The following MARCHF1 variants were observed in gnomAD, a reference collection of about 807,000 sequenced individuals.
MARCHF1 encodes membrane associated ring-CH-type finger 1, also known as E3 ubiquitin-protein ligase MARCHF1.
MARCHF1 carries 40 observed loss-of-function variants against 54.2 expected under a neutral mutation model. That is an observed-to-expected ratio of 0.74 (90% CI 0.57 to 0.96). MARCHF1 has a LOEUF of 0.96. Among genes scored for constraint, MARCHF1 ranks in the 40% least tolerant of loss-of-function variants. The pLI, the probability that MARCHF1 is intolerant of heterozygous loss-of-function variation, is 0.00. For missense variants in MARCHF1, 586 were observed against 656.5 expected (o/e 0.89, Z 1.17); for synonymous variants, 236 against 236.3 (o/e 1.00, Z 0.01).
At chr4:163,689,069 A>C (rs28757839) in intron 5 of MARCHF1, among the ~76,000 whole-genome samples, 3,667 of 152,262 alleles carry the variant, frequency 0.024, 139 homozygotes, top group African/African-American at 0.083. Context: ...TATGAAATGC[A>C]AATACTGACC....
chr4:164,140,747 T>C (rs1243033423), intron 1 of MARCHF1, among the ~76,000 whole-genome samples: 2 of 135,408 alleles, frequency 1.5e-5, no homozygotes, highest in African/African-American at 3.0e-5. Context: ...TTTGGTAACA[T>C]ACACACACAC....
At chr4:164,222,461 A>C (rs1732142219) in intron 1 of MARCHF1, among the ~76,000 whole-genome samples, 1 of 151,898 alleles carries the variant, frequency 6.6e-6, no homozygotes, top group South Asian at 2.1e-4. Flanking sequence ...TAATTTTGTA[A>C]AGGGAAAAAT....
chr4:164,354,684 T>C (rs1730465812), intron 1 of MARCHF1, among the ~76,000 whole-genome samples: 1 of 148,044 alleles, frequency 6.8e-6, no homozygotes, highest in Non-Finnish European at 1.5e-5. Flanking sequence ...ACTGGAAGCA[T>C]TCCCTTTGAA....
At chr4:163,805,703 G>T (rs1748207257) in intron 4 of MARCHF1, among the ~76,000 whole-genome samples, 1 of 152,096 alleles carries the variant, frequency 6.6e-6, no homozygotes, top group Non-Finnish European at 1.5e-5. Context: ...GTACCATATT[G>T]CCTCTTTAAA....
At chr4:163,956,446 T>C (rs982425029) in intron 3 of MARCHF1, among the ~76,000 whole-genome samples, 4 of 152,146 alleles carry the variant, frequency 2.6e-5, no homozygotes, top group Non-Finnish European at 2.9e-5. Flanking sequence ...GTTGTCCGAA[T>C]ATCACAATTT....
intron 5 of MARCHF1, among the ~76,000 whole-genome samples, chr4:163,681,778 C>T (rs1744112918): frequency 6.6e-6 from 1 of 152,138 alleles, no homozygotes; most frequent in African/African-American, 2.4e-5. Context: ...GTCTCAGGTA[C>T]TTCTTCATAG....
intron 1 of MARCHF1, among the ~76,000 whole-genome samples, chr4:164,164,783 A>G (rs749467360): frequency 3.3e-5 from 5 of 152,184 alleles, no homozygotes; most frequent in Non-Finnish European, 7.4e-5. Context: ...ACAACTCCAC[A>G]TACATACATA....
At chr4:163,888,537 A>G (rs1273945260) in intron 3 of MARCHF1, among the ~76,000 whole-genome samples, 1 of 152,164 alleles carries the variant, frequency 6.6e-6, no homozygotes, top group Non-Finnish European at 1.5e-5. Context: ...TTTTGTCTTT[A>G]GCAAAAGAAA....
Position 163,700,864 on chromosome 4 carries a change from C to A in MARCHF1, c.112-1G>T, listed in dbSNP as rs1228370964. The A allele has an allele frequency of 3.9e-6, 6 of 1,533,766 alleles. No individual in the cohort carries two copies. The South Asian group carries it at 4.8e-5, about 12-fold the overall frequency. ...CAGATCGCCCTGGGGATTTTTCATT[C>A]TGAAAAATAAAATGGGAAACATTAA... On this transcript the variant is annotated splice_acceptor_variant, in intron 4 of 9. Transcript: ENST00000514618. LOFTEE classifies it high-confidence loss of function.
intron 2 of MARCHF1, among the ~76,000 whole-genome samples, chr4:164,023,430 C>T (rs942415017): frequency 6.6e-6 from 1 of 152,088 alleles, no homozygotes; most frequent in African/African-American, 2.4e-5. Context: ...CTCTTAAGCA[C>T]CATCTATTGG....
At chr4:163,726,517 C>T (rs1213028960) in intron 4 of MARCHF1, among the ~76,000 whole-genome samples, 2 of 152,098 alleles carry the variant, frequency 1.3e-5, no homozygotes, top group African/African-American at 2.4e-5. Context: ...TACTGAAAGG[C>T]ATCTTGTTGT....
intron 3 of MARCHF1, among the ~76,000 whole-genome samples, chr4:163,885,305 T>C (rs1398003174): frequency 1.3e-5 from 2 of 152,256 alleles, no homozygotes; most frequent in African/African-American, 2.4e-5. Context: ...GTAAAATGGA[T>C]TTTAAGATTT....
chr4:163,961,781 A>T (rs1355900972), intron 3 of MARCHF1, among the ~76,000 whole-genome samples: 1 of 151,944 alleles, frequency 6.6e-6, no homozygotes, highest in African/African-American at 2.4e-5. Context: ...CCTCTGAAAC[A>T]CAGTGGGACT....
chr4:163,892,197 T>C (rs1369718912), intron 3 of MARCHF1, among the ~76,000 whole-genome samples: 2 of 152,232 alleles, frequency 1.3e-5, no homozygotes, highest in African/African-American at 4.8e-5. Flanking sequence ...TAACTGTTCC[T>C]CTACTAGTCT....
intron 4 of MARCHF1, among the ~76,000 whole-genome samples, chr4:163,784,583 G>T (rs1747563060): frequency 1.3e-5 from 2 of 152,026 alleles, no homozygotes; most frequent in Non-Finnish European, 2.9e-5. Flanking sequence ...AAATTTAGCA[G>T]TAGATCTGTT....
intron 1 of MARCHF1, among the ~76,000 whole-genome samples, chr4:164,199,679 CACAGAGAGAG>C (rs769180509): frequency 0.089 from 4,604 of 51,586 alleles, 82 homozygotes; most frequent in Middle Eastern, 0.15. Flanking sequence ...CACACACACA[CACAGAGAGAG>C]AGAGAGAGAG....
intron 2 of MARCHF1, among the ~76,000 whole-genome samples, chr4:164,079,587 C>T (rs956464485): frequency 6.6e-6 from 1 of 152,044 alleles, no homozygotes; most frequent in Non-Finnish European, 1.5e-5. Context: ...ACTTATATAA[C>T]TTCTAACTTC....
chr4:163,915,879 G>C (rs1751296746), intron 3 of MARCHF1, among the ~76,000 whole-genome samples: 1 of 152,128 alleles, frequency 6.6e-6, no homozygotes, highest in Non-Finnish European at 1.5e-5. Flanking sequence ...TAGTATGTAA[G>C]AGCTTTCCTT....
intron 5 of MARCHF1, among the ~76,000 whole-genome samples, chr4:163,687,647 G>A (rs1223114283): frequency 6.6e-6 from 1 of 152,184 alleles, no homozygotes; most frequent in Non-Finnish European, 1.5e-5. Context: ...AATGTGTTGT[G>A]AGGAAGTTAT....
Sources: allele counts gnomAD v4.1 joint callset (sites outside exome capture counted in the v4.1 genomes callset), GRCh38; gene constraint gnomAD v4.1.1; transcripts MANE v1.5; gene names NCBI Gene and HGNC (gene_info 2026-07-23, HGNC 2026-07-21).